SND1: variants seen among roughly 807,000 people sequenced by gnomAD.
The protein encoded by SND1 is staphylococcal nuclease and tudor domain containing 1, also known as staphylococcal nuclease domain-containing protein 1.
Under a neutral mutation model 121.7 loss-of-function variants are expected in SND1, and 38 were observed. The observed-to-expected ratio is 0.31, with a 90% CI of 0.24 to 0.41. SND1 has a LOEUF of 0.41. Ranked by LOEUF, SND1 falls within the 10% of genes least tolerant of loss-of-function variation. SND1 has a pLI of 1.00. For synonymous variants in SND1, 401 were observed against 447.4 expected (o/e 0.90, Z 1.31); for missense variants, 868 against 1,184.6 (o/e 0.73, Z 3.92).
intron 4 of SND1, among the ~76,000 whole-genome samples, chr7:127,699,259 A>C (rs773628951): frequency 6.6e-6 from 1 of 152,212 alleles, no homozygotes; most frequent in Non-Finnish European, 1.5e-5. Context: ...AGCGAGTCCC[A>C]AATATTTATT....
chr7:127,864,799 A>G (rs1799439562), intron 12 of SND1, among the ~76,000 whole-genome samples: 1 of 152,182 alleles, frequency 6.6e-6, no homozygotes, highest in South Asian at 2.1e-4. Context: ...CTGGAATAAC[A>G]GCTGCATTCC....
At chr7:127,907,731 A>G (rs1302265952) in intron 14 of SND1, among the ~76,000 whole-genome samples, 1 of 152,196 alleles carries the variant, frequency 6.6e-6, no homozygotes. Context: ...GGAAGAGATT[A>G]TATCATAATG....
chr7:128,088,047 T>C (rs1171740434), intron 21 of SND1, among the ~76,000 whole-genome samples: 1 of 152,082 alleles, frequency 6.6e-6, no homozygotes, highest in Non-Finnish European at 1.5e-5. Context: ...AGGGTGCAAA[T>C]GAAGAATAAG....
At chr7:127,998,019 C>A (rs1554453913) in intron 16 of SND1, 1 of 523,548 alleles carries the variant, frequency 1.9e-6, no homozygotes, top group Non-Finnish European at 4.0e-6. Flanking sequence ...CAAGTCTCTC[C>A]CCACTAGCTT....
chr7:127,752,146 A>G (rs770713268), intron 10 of SND1, among the ~76,000 whole-genome samples: 3 of 152,192 alleles, frequency 2.0e-5, no homozygotes, highest in South Asian at 2.1e-4. Context: ...TTGTCTTCCT[A>G]ATATAACTGG....
intron 14 of SND1, among the ~76,000 whole-genome samples, chr7:127,918,044 A>C (rs1036703585): frequency 1.4e-5 from 2 of 140,960 alleles, no homozygotes; most frequent in African/African-American, 5.3e-5. Context: ...TTAATCGGCC[A>C]TAGATTTTTT....
At chr7:127,849,894 C>G (rs1340106714) in intron 12 of SND1, among the ~76,000 whole-genome samples, 1 of 152,118 alleles carries the variant, frequency 6.6e-6, no homozygotes, top group Non-Finnish European at 1.5e-5. Flanking sequence ...TGTCCAAGTT[C>G]TGTGGGGGCT....
chr7:128,079,356 G>A (rs1230401608), intron 17 of SND1, among the ~76,000 whole-genome samples: 1 of 152,268 alleles, frequency 6.6e-6, no homozygotes, highest in Non-Finnish European at 1.5e-5. Context: ...CAAAGCTGTG[G>A]GTTAAAGTCC....
At chr7:127,684,072 C>G (rs538390318) in intron 1 of SND1, among the ~76,000 whole-genome samples, 8 of 152,182 alleles carry the variant, frequency 5.3e-5, no homozygotes, top group Non-Finnish European at 1.0e-4. Flanking sequence ...ATTAGAGAGG[C>G]AATACCTTTC....
chr7:128,079,683 G>A (rs1324912332), intron 17 of SND1, among the ~76,000 whole-genome samples: 1 of 152,258 alleles, frequency 6.6e-6, no homozygotes, highest in African/African-American at 2.4e-5. Flanking sequence ...TGGGGTCTGG[G>A]TTGACCCAAG....
rs1170942634 is a variant in SND1, at chr7:127,694,881, A to C, written c.282A>C (p.Glu94Asp). Residue 94 changes from glutamate (E) to aspartate (D), a missense_variant, in exon 3 of 24, where the codon GAA (glutamate) becomes GAC (aspartate). Physicochemically the swap from Glu to Asp is conservative, Grantham distance 45. Transcript: ENST00000354725. ...EFLRKKLIGKEVCFTIENKTP... is the reference protein window; with the variant it reads ...EFLRKKLIGKDVCFTIENKTP... ...TTCGAAAGAAGCTGATTGGGAAGGA[A>C]GTCTGTTTCACGATAGAAAACAAGA... 6.2e-7 allele frequency: 1 copy of C among 1,613,904 alleles called. No individual in the cohort carries two copies. Among genetic ancestry groups the C allele is most frequent in the Non-Finnish European group, 8.5e-7 (1 of 1,179,924 alleles).
intron 16 of SND1, among the ~76,000 whole-genome samples, chr7:128,001,256 G>A (rs1053785381): frequency 9.9e-5 from 15 of 152,246 alleles, no homozygotes; most frequent in African/African-American, 3.4e-4. Context: ...CACATAGTGA[G>A]AAAGGAATAG....
chr7:127,670,834 TAA>T (rs930807697), intron 1 of SND1, among the ~76,000 whole-genome samples: 5 of 137,536 alleles, frequency 3.6e-5, no homozygotes, highest in Non-Finnish European at 3.2e-5. Context: ...TATATGCAAT[TAA>T]AAAAAAAAAA....
chr7:127,975,340 C>T (rs1312022890), intron 15 of SND1, among the ~76,000 whole-genome samples: 5 of 151,996 alleles, frequency 3.3e-5, no homozygotes, highest in South Asian at 4.1e-4. Flanking sequence ...TGGGCGCGCG[C>T]GCATGTGCGC....
chr7:127,708,061 A>G (rs531824911), intron 9 of SND1, among the ~76,000 whole-genome samples: 7 of 152,322 alleles, frequency 4.6e-5, no homozygotes, highest in Admixed American at 2.0e-4. Context: ...CATTTGGAGT[A>G]TCCATACAGC....
chr7:127,945,309 G>C (rs990227093), intron 15 of SND1, among the ~76,000 whole-genome samples: 2 of 152,056 alleles, frequency 1.3e-5, no homozygotes, highest in African/African-American at 4.8e-5. Context: ...TGGCTAACAC[G>C]GTGAAACCCC....
In SND1 at chr7:127,901,373, A is replaced by G. The variant is rs577240294; in HGVS notation, c.1455-3374A>G. ...CTGTGAGATTCATTCCTGAATTCCTACTTCCCCCAGATACTCTTTCGTGGA... is the reference window on the plus strand; with the variant it reads ...CTGTGAGATTCATTCCTGAATTCCTGCTTCCCCCAGATACTCTTTCGTGGA... On this transcript the variant is annotated intron_variant, in intron 13 of 23. Coordinates refer to ENST00000354725, the MANE Select transcript of SND1 (RefSeq NM_014390.4). Among the ~76,000 whole-genome samples, 3 of 152,190 alleles carry G rather than the reference A, an allele frequency of 2.0e-5. No homozygotes were observed. The South Asian group carries it at 6.2e-4, about 32-fold the overall frequency.
At position 128,026,679 on chromosome 7, in the gene SND1, G is replaced by GT. The variant is rs539073595; in HGVS notation, c.1779+35624dup. Among the ~76,000 whole-genome samples the GT allele has an allele frequency of 2.2e-4, 33 of 152,266 alleles. No homozygotes were observed. The East Asian group carries it at 6.2e-3, about 28-fold the overall frequency. On this transcript the variant is annotated intron_variant, in intron 16 of 23. Transcript: ENST00000354725. ...ATTATTGCAGGCCTCTGAAATCCAG[G>GT]TCCCCCAGGTTCCTCGGGTAGAGCT...
chr7:127,759,183 G>A (rs142056301), intron 10 of SND1, among the ~76,000 whole-genome samples: 268 of 152,274 alleles, frequency 1.8e-3, no homozygotes, highest in African/African-American at 6.1e-3. Context: ...GATAAGAATC[G>A]TCAGAATGTA....
Sources: allele counts gnomAD v4.1 joint callset (sites outside exome capture counted in the v4.1 genomes callset), GRCh38; gene constraint gnomAD v4.1.1; transcripts MANE v1.5; gene names NCBI Gene and HGNC (gene_info 2026-07-23, HGNC 2026-07-21).